PRELID3A: variants seen among roughly 807,000 people sequenced by gnomAD.
The protein encoded by PRELID3A is PRELI domain containing 3A.
PRELID3A carries 27 observed loss-of-function variants against 23.0 expected under a neutral mutation model. The ratio of observed to expected loss-of-function variants is 1.17; its 90% confidence interval spans 0.87 to 1.62. PRELID3A has a LOEUF of 1.62. PRELID3A is among the 40% of genes most tolerant of loss of function. PRELID3A has a pLI of 0.00. For missense variants in PRELID3A, 231 were observed against 231.4 expected (o/e 1.00, Z 0.01); for synonymous variants, 87 against 86.4 (o/e 1.01, Z -0.04).
intron 1 of PRELID3A, among the ~76,000 whole-genome samples, chr18:12,414,748 C>G (rs1345309775): frequency 6.6e-6 from 1 of 151,888 alleles, no homozygotes; most frequent in Non-Finnish European, 1.5e-5. Context: ...CCCCTCCACC[C>G]CCACCAAAAG....
In PRELID3A at chr18:12,416,770, C is replaced by T. The variant is rs9960580; in HGVS notation, c.33-3555C>T. On this transcript the variant is annotated intron_variant, in intron 1 of 6. Transcript: ENST00000440960. ...ACGCCATTCTCCTGCCTCAGCCTCCCGAGTAGCTGGGACTACAGACGCCTG... is the reference window on the plus strand; with the variant it reads ...ACGCCATTCTCCTGCCTCAGCCTCCTGAGTAGCTGGGACTACAGACGCCTG... Among the ~76,000 whole-genome samples the T allele has an allele frequency of 2.3e-3, 345 of 151,924 alleles. 3 individuals carry two copies. The highest frequency in any genetic ancestry group is 7.8e-3 in the African/African-American group (325 of 41,406).
At chr18:12,426,538 A>G (rs1224900438) in intron 3 of PRELID3A, among the ~76,000 whole-genome samples, 2 of 121,090 alleles carry the variant, frequency 1.7e-5, no homozygotes, top group African/African-American at 2.8e-5. Context: ...TGGGCTACAC[A>G]GTGAGACTCC....
At chr18:12,414,651 G>T (rs1255213406) in intron 1 of PRELID3A, among the ~76,000 whole-genome samples, 7 of 152,086 alleles carry the variant, frequency 4.6e-5, no homozygotes, top group African/African-American at 1.7e-4. Flanking sequence ...GCTTGAACCC[G>T]GGAGGTGGAG....
rs570898595 is a variant in PRELID3A, at chr18:12,430,779, G to A, written c.*34-371G>A. 2.1e-3 allele frequency among the ~76,000 whole-genome samples: 314 copies of A among 148,910 alleles called. 1 individual carries two copies. Among genetic ancestry groups the A allele is most frequent in the African/African-American group, 6.8e-3 (274 of 40,426 alleles). ...GCATGTGTGTGATGTGTGTGCATGC[G>A]TGTATGATGTGCATGTGTGTGATGT... is the stretch of plus-strand genomic sequence containing the variant. On this transcript the variant is annotated intron_variant, in intron 6 of 6. Transcript: ENST00000440960.
At chr18:12,415,460 A>G (rs962699372) in intron 1 of PRELID3A, among the ~76,000 whole-genome samples, 2 of 150,814 alleles carry the variant, frequency 1.3e-5, no homozygotes, top group African/African-American at 2.4e-5. Context: ...GGGTTTCACC[A>G]TGTTGGGCAG....
intron 3 of PRELID3A, among the ~76,000 whole-genome samples, chr18:12,426,348 A>T (rs1450237843): frequency 6.6e-6 from 1 of 151,146 alleles, no homozygotes; most frequent in Non-Finnish European, 1.5e-5. Context: ...AGGTCAGGAG[A>T]TCGAGACCAT....
intron 1 of PRELID3A, among the ~76,000 whole-genome samples, chr18:12,410,210 C>T (rs960770871): frequency 2.6e-5 from 4 of 152,340 alleles, no homozygotes; most frequent in South Asian, 2.1e-4. Context: ...CCTGGCACCC[C>T]GCCGGGGCCC....
At chr18:12,424,014 G>A (rs1419790540) in intron 3 of PRELID3A, among the ~76,000 whole-genome samples, 2 of 152,204 alleles carry the variant, frequency 1.3e-5, no homozygotes, top group Non-Finnish European at 2.9e-5. Context: ...GTGCTGAGAT[G>A]AGGCTGTGAG....
At chr18:12,429,952 T>C (rs1399731859) in intron 6 of PRELID3A, among the ~76,000 whole-genome samples, 1 of 152,262 alleles carries the variant, frequency 6.6e-6, no homozygotes, top group Non-Finnish European at 1.5e-5. Context: ...CCCTGGCTTC[T>C]TGTGGCATCA....
chr18:12,431,230 G>A lies in PRELID3A; in HGVS notation c.*114G>A, dbSNP rs1249989468. On this transcript the variant is annotated 3_prime_UTR_variant, in exon 7 of 7. Coordinates refer to ENST00000440960, the MANE Select transcript of PRELID3A (RefSeq NM_001142405.2). ...ACGGAAAAGCACGTCTGGCTGCGAG[G>A]GCACACAGGGCCGGGGAGGAGGATT... 1 of 152,550 alleles carries A rather than the reference G, an allele frequency of 6.6e-6. No homozygotes were observed. The highest frequency in any genetic ancestry group is 2.4e-5 in the African/African-American group (1 of 41,390). The allele number at this position is 152,550 out of a possible 1,614,324, so 9.4% of individuals were successfully genotyped here. A position where few individuals can be genotyped will look rare whatever the true frequency, so the allele number is the denominator to read the frequency against.
rs564904998 is a variant in PRELID3A, at chr18:12,427,810, T to C, written c.465+487T>C. On this transcript the variant is annotated intron_variant, in intron 5 of 6. Coordinates refer to ENST00000440960, the MANE Select transcript of PRELID3A (RefSeq NM_001142405.2). ...TTTCAAAACTAGGGTAGGGAAAGGCTGACCCAGGTCTGAGGGAAGTGTGTG... is the reference window on the plus strand; with the variant it reads ...TTTCAAAACTAGGGTAGGGAAAGGCCGACCCAGGTCTGAGGGAAGTGTGTG... 1.5e-3 allele frequency among the ~76,000 whole-genome samples: 233 copies of C among 152,318 alleles called. 1 individual carries two copies. The highest frequency in any genetic ancestry group is 2.6e-3 in the Non-Finnish European group (175 of 68,026).
intron 1 of PRELID3A, 101 bp from the exon 2 acceptor site, chr18:12,420,224 G>C: frequency 6.8e-7 from 1 of 1,479,228 alleles, no homozygotes; most frequent in East Asian, 2.5e-5. Flanking sequence ...AAAGTGAAGA[G>C]ACTAGCGCGT....
At position 12,415,764 on chromosome 18, in the gene PRELID3A, A is replaced by G. The variant is rs148037936; in HGVS notation, c.33-4561A>G. ...ACATCATGTAATTTCCTCCTTCTTCATCTTCCCGACACTGTTGGTGCTTAG... is the reference window on the plus strand; with the variant it reads ...ACATCATGTAATTTCCTCCTTCTTCGTCTTCCCGACACTGTTGGTGCTTAG... On this transcript the variant is annotated intron_variant, in intron 1 of 6. Transcript: ENST00000440960. Among the ~76,000 whole-genome samples, 919 of 152,164 alleles carry G rather than the reference A, an allele frequency of 6.0e-3. 3 individuals are homozygous for G. The highest frequency in any genetic ancestry group is 9.3e-3 in the Non-Finnish European group (632 of 68,002).
chr18:12,408,453 CGTTTCACGGA>C (rs1460610269), intron 1 of PRELID3A, among the ~76,000 whole-genome samples: 1 of 152,116 alleles, frequency 6.6e-6, no homozygotes, highest in Non-Finnish European at 1.5e-5. Flanking sequence ...ACCTTCCGCG[CGTTTCACGGA>C]GGGCCCACGG....
chr18:12,420,300 A>G, intron 1 of PRELID3A, 25 bp from the exon 2 acceptor site: 1 of 1,577,152 alleles, frequency 6.3e-7, no homozygotes, highest in Non-Finnish European at 8.6e-7. Flanking sequence ...GCGCTTGCTC[A>G]CCGCCGCCTA....
At position 12,427,116 on chromosome 18, in the gene PRELID3A, G is replaced by T; in HGVS notation, c.362+5G>T. 2 of 1,611,702 alleles carry T rather than the reference G, an allele frequency of 1.2e-6. No individual in the cohort carries two copies. The highest frequency in any genetic ancestry group is 1.7e-6 in the Non-Finnish European group (2 of 1,177,758). ...TCATCCAGAGAACCCAGAAATGTGA[G>T]TCATCTCCTGTGGGATTGACACATT... On this transcript the variant is annotated splice_donor_5th_base_variant and intron_variant, in intron 4 of 6. Coordinates refer to ENST00000440960, the MANE Select transcript of PRELID3A (RefSeq NM_001142405.2).
chr18:12,425,193 G>A (rs1258582863), intron 3 of PRELID3A, among the ~76,000 whole-genome samples: 2 of 152,090 alleles, frequency 1.3e-5, no homozygotes, highest in Non-Finnish European at 1.5e-5. Context: ...TCAGTCACAT[G>A]AGCCACATTT....
In PRELID3A at chr18:12,425,711, G is replaced by C. The variant is rs1431833826; in HGVS notation, c.292-1330G>C. ...TCCCAGCACTTTGGGAGGCCAAGGTGGGAGGATCGCTTGAGCTCAGGAGTT... is the reference window on the plus strand; with the variant it reads ...TCCCAGCACTTTGGGAGGCCAAGGTCGGAGGATCGCTTGAGCTCAGGAGTT... On this transcript the variant is annotated intron_variant, in intron 3 of 6. Coordinates refer to ENST00000440960, the MANE Select transcript of PRELID3A (RefSeq NM_001142405.2). Among the ~76,000 whole-genome samples the C allele has an allele frequency of 2.0e-5, 3 of 151,836 alleles. No individual in the cohort carries two copies. In the South Asian group the frequency reaches 6.2e-4, roughly 32 times the overall value.
chr18:12,425,077 A>G (rs1476927901), intron 3 of PRELID3A, among the ~76,000 whole-genome samples: 1 of 151,934 alleles, frequency 6.6e-6, no homozygotes, highest in East Asian at 1.9e-4. Context: ...TGGGAGGTGG[A>G]GGTTGCAGTG....
Sources: allele counts gnomAD v4.1 joint callset (sites outside exome capture counted in the v4.1 genomes callset), GRCh38; gene constraint gnomAD v4.1.1; transcripts MANE v1.5; gene names NCBI Gene and HGNC (gene_info 2026-07-23, HGNC 2026-07-21).